Variants in ZC3H12B observed in about 807,000 individuals in gnomAD.
ZC3H12B encodes the protein probable ribonuclease ZC3H12B.
In ZC3H12B, 7 loss-of-function variants were observed where a neutral mutation model predicts 43.9. The ratio of observed to expected loss-of-function variants is 0.16; its 90% CI spans 0.09 to 0.30. ZC3H12B has a LOEUF of 0.30. Ranked by LOEUF, ZC3H12B falls within the 10% of genes least tolerant of loss-of-function variation. The pLI, the probability that ZC3H12B is intolerant of heterozygous loss-of-function variation, is 1.00. For synonymous variants in ZC3H12B, 222 were observed against 241.7 expected (o/e 0.92, Z 0.76); for missense variants, 475 against 670.2 (o/e 0.71, Z 3.22).
At chrX:65,219,278 C>G in the ZC3H12B span, among the ~76,000 whole-genome samples, 1 of 111,496 alleles carries the variant, frequency 9.0e-6, no homozygotes, top group East Asian at 2.8e-4. Context: ...TTAACTCCCT[C>G]AAAAGATTAC....
chrX:65,071,907 G>T, the ZC3H12B span, among the ~76,000 whole-genome samples: 21 of 111,345 alleles, frequency 1.9e-4, 1 homozygote, highest in African/African-American at 6.5e-4. Flanking sequence ...TTTGACCTTG[G>T]AGAATCTCAT....
the ZC3H12B span, among the ~76,000 whole-genome samples, chrX:65,180,594 A>C: frequency 9.0e-6 from 1 of 111,705 alleles, no homozygotes; most frequent in Admixed American, 9.6e-5. Context: ...ATGTGCAAAA[A>C]TCACAAGCAT....
the ZC3H12B span, chrX:65,186,349 G>A: frequency 1.8e-5 from 2 of 108,627 alleles, no homozygotes; most frequent in African/African-American, 6.7e-5. Context: ...AAAATTAGTC[G>A]GGCATGGTGG....
chrX:65,125,923 C>T, the ZC3H12B span, among the ~76,000 whole-genome samples: 3 of 110,786 alleles, frequency 2.7e-5, no homozygotes, highest in Non-Finnish European at 3.8e-5. Context: ...TTATCTGTTC[C>T]TCCATTCTAT....
At chrX:65,078,824 G>A in the ZC3H12B span, among the ~76,000 whole-genome samples, 1 of 111,628 alleles carries the variant, frequency 9.0e-6, no homozygotes, top group Non-Finnish European at 1.9e-5. Flanking sequence ...GTCACATCAT[G>A]GAAAATAGGT....
chrX:65,391,911 G>T (rs1273513593), intron 2 of ZC3H12B, among the ~76,000 whole-genome samples: 1 of 111,322 alleles, frequency 9.0e-6, no homozygotes, highest in Non-Finnish European at 1.9e-5. Context: ...GATTGCAGGT[G>T]CGCACCACCA....
chrX:65,477,286 C>G (rs1483339786), intron 3 of ZC3H12B, among the ~76,000 whole-genome samples: 2 of 109,823 alleles, frequency 1.8e-5, no homozygotes, highest in African/African-American at 3.3e-5. Context: ...GATTGGAATC[C>G]TTGCATGACC....
the ZC3H12B span, among the ~76,000 whole-genome samples, chrX:65,305,515 CTCT>C: frequency 9.0e-6 from 1 of 111,666 alleles, no homozygotes; most frequent in African/African-American, 3.3e-5. Context: ...CAAGGTTTCC[CTCT>C]TATCTAGAAA....
At chrX:65,260,111 T>C in the ZC3H12B span, among the ~76,000 whole-genome samples, 1 of 110,692 alleles carries the variant, frequency 9.0e-6, no homozygotes, top group African/African-American at 3.3e-5. Flanking sequence ...AACTAGACAT[T>C]GGGTACAGTG....
the ZC3H12B span, among the ~76,000 whole-genome samples, chrX:65,153,629 G>T: frequency 1.8e-5 from 2 of 112,071 alleles, no homozygotes; most frequent in African/African-American, 6.5e-5. Context: ...TACACTGTTG[G>T]TGGGACTGTA....
At chrX:65,260,855 A>G in the ZC3H12B span, among the ~76,000 whole-genome samples, 1 of 111,693 alleles carries the variant, frequency 9.0e-6, no homozygotes, top group Non-Finnish European at 1.9e-5. Context: ...TTGACTTTGG[A>G]CAAATTAGAA....
chrX:65,059,130 A>C, the ZC3H12B span, among the ~76,000 whole-genome samples: 2 of 109,996 alleles, frequency 1.8e-5, no homozygotes, highest in South Asian at 8.0e-4. Context: ...CCAGTACCTC[A>C]GTTCACAATG....
chrX:65,166,852 G>A, the ZC3H12B span, among the ~76,000 whole-genome samples: 1 of 111,979 alleles, frequency 8.9e-6, no homozygotes, highest in African/African-American at 3.2e-5. Flanking sequence ...TTTGAGAAGT[G>A]TCTGTTCATG....
chrX:65,497,853 G>T (rs192034311), intron 2 of ZC3H12B, among the ~76,000 whole-genome samples: 570 of 111,450 alleles, frequency 5.1e-3, no homozygotes, highest in Admixed American at 0.011. Context: ...TATCTAGCTG[G>T]GTTATCCTTG....
At chrX:65,467,581 A>G (rs1291480381) in intron 3 of ZC3H12B, among the ~76,000 whole-genome samples, 2 of 112,267 alleles carry the variant, frequency 1.8e-5, no homozygotes, top group African/African-American at 6.5e-5. Context: ...GCATATAAGC[A>G]TTCTCTTTCC....
At chrX:65,254,453 G>T in the ZC3H12B span, among the ~76,000 whole-genome samples, 3 of 112,325 alleles carry the variant, frequency 2.7e-5, no homozygotes, top group African/African-American at 9.7e-5. Context: ...GCTGAGCCTT[G>T]ATCTGATAAA....
At chrX:65,295,537 A>G in the ZC3H12B span, among the ~76,000 whole-genome samples, 3 of 111,554 alleles carry the variant, frequency 2.7e-5, no homozygotes, top group East Asian at 8.4e-4. Context: ...ACCCAACAGA[A>G]GAAGAGTCAT....
chrX:65,180,863 G>T, the ZC3H12B span, among the ~76,000 whole-genome samples: 2 of 111,505 alleles, frequency 1.8e-5, no homozygotes, highest in African/African-American at 6.5e-5. Flanking sequence ...TTTCCATCAA[G>T]CTACCATTGA....
At chrX:65,039,461 T>C in the ZC3H12B span, among the ~76,000 whole-genome samples, 2 of 111,836 alleles carry the variant, frequency 1.8e-5, no homozygotes, top group Non-Finnish European at 3.8e-5. Flanking sequence ...TTAAAGCCAT[T>C]GTACAGTATT....
Sources: gnomAD v4.1 joint callset for allele counts (sites outside exome capture counted in the v4.1 genomes callset) on GRCh38, gnomAD v4.1.1 for gene constraint, MANE v1.5 for transcripts, NCBI Gene and HGNC (gene_info 2026-07-23, HGNC 2026-07-21) for gene names.